Variants in HCRTR2 observed in about 807,000 individuals in gnomAD.
HCRTR2 encodes the protein hypocretin receptor 2.
Under a neutral mutation model 49.0 loss-of-function variants are expected in HCRTR2, and 22 were observed. The observed-to-expected ratio is 0.45, with a 90% CI of 0.32 to 0.64. The LOEUF (loss-of-function observed/expected upper bound fraction) is 0.64, where lower values mean the gene tolerates loss of function less well. Among genes scored for constraint, HCRTR2 ranks in the 30% least tolerant of loss-of-function variants. The pLI is 0.04. For missense variants in HCRTR2, 491 were observed against 559.4 expected, an observed-to-expected ratio of 0.88 and a Z score of 1.23; for synonymous variants, 236 against 205.3, an observed-to-expected ratio of 1.15 and a Z score of -1.28.
chr6:55,145,419 T>TTG lies in HCRTR2; in HGVS notation c.-377-28791_-377-28790insGT, dbSNP rs1203907703. Among the ~76,000 whole-genome samples the TTG allele has an allele frequency of 1.6e-3, 4 of 2,550 alleles. No homozygotes were observed. The Non-Finnish European group carries it at 0.016, about 10-fold the overall frequency. 1.7% of individuals were successfully genotyped at this position (2,550 alleles called of 152,430 possible). The stretch of plus-strand genomic sequence containing the variant: ...TTTTTTTTTTTGTTTTTTTGTTTGT[T>TTG]TTTTTTTTTGAGACGGATTCTTGCT... On this transcript the variant is annotated intron_variant, in intron 1 of 7. Transcript: ENST00000615358.
intron 1 of HCRTR2, among the ~76,000 whole-genome samples, chr6:55,150,403 T>G (rs1764649104): frequency 1.3e-5 from 2 of 151,758 alleles, no homozygotes. Context: ...CAATACACAT[T>G]GTTAACTGTA....
chr6:55,247,678 G>T (rs934279001), intron 1 of HCRTR2, among the ~76,000 whole-genome samples: 2 of 152,046 alleles, frequency 1.3e-5, no homozygotes, highest in Admixed American at 6.6e-5. Flanking sequence ...CAGACCGAAG[G>T]AAGACAGAGA....
chr6:55,115,546 G>A (rs1035121398), intron 1 of HCRTR2, among the ~76,000 whole-genome samples: 3 of 150,992 alleles, frequency 2.0e-5, no homozygotes, highest in Non-Finnish European at 4.4e-5. Flanking sequence ...AGTAGTAGCA[G>A]CAGGTAAAGT....
At chr6:55,179,510 C>T (rs1265982678) in intron 1 of HCRTR2, among the ~76,000 whole-genome samples, 1 of 152,054 alleles carries the variant, frequency 6.6e-6, no homozygotes, top group Non-Finnish European at 1.5e-5. Context: ...GACTTAAAAT[C>T]CCAATGATAA....
chr6:55,191,624 T>G (rs1222759590), intron 1 of HCRTR2, among the ~76,000 whole-genome samples: 3 of 152,042 alleles, frequency 2.0e-5, no homozygotes, highest in African/African-American at 7.2e-5. Flanking sequence ...GGTCACAAAA[T>G]AAACACCAGA....
In HCRTR2 at chr6:55,277,424, G is replaced by C; in HGVS notation, c.807G>C (p.Leu269=). 1 of 1,614,118 alleles carries C rather than the reference G, an allele frequency of 6.2e-7. No individual in the cohort carries two copies. Among genetic ancestry groups the C allele is most frequent in the East Asian group, 2.2e-5 (1 of 44,856 alleles). Residue 269 remains leucine (L), a synonymous_variant, in exon 5 of 7, where the codon CTG becomes CTC. Coordinates refer to ENST00000370862, the MANE Select transcript of HCRTR2 (RefSeq NM_001384272.1). ...SSVVQRKWKP[L]QPVSQPRGPG... Reference sequence around the variant, plus strand: ...TAGTTCAGAGAAAATGGAAGCCCCTGCAGCCTGTTTCACAGCCTCGAGGGC... The same window carrying C: ...TAGTTCAGAGAAAATGGAAGCCCCTCCAGCCTGTTTCACAGCCTCGAGGGC...
At chr6:55,200,591 CCTT>C (rs1341417253) in intron 1 of HCRTR2, among the ~76,000 whole-genome samples, 3 of 152,084 alleles carry the variant, frequency 2.0e-5, no homozygotes, top group Non-Finnish European at 4.4e-5. Context: ...ATCCACTGTT[CCTT>C]CTTCTTCTGC....
chr6:55,246,879 A>G (rs1766455086), intron 1 of HCRTR2, among the ~76,000 whole-genome samples: 1 of 152,070 alleles, frequency 6.6e-6, no homozygotes, highest in Non-Finnish European at 1.5e-5. Flanking sequence ...TTTTGAACAT[A>G]TATTTGCTCT....
chr6:55,189,934 AT>A (rs1437787706), intron 1 of HCRTR2, among the ~76,000 whole-genome samples: 1 of 152,230 alleles, frequency 6.6e-6, no homozygotes, highest in Non-Finnish European at 1.5e-5. Flanking sequence ...TGGAGTTTGA[AT>A]TGCTAGAGGA....
intron 1 of HCRTR2, among the ~76,000 whole-genome samples, chr6:55,118,491 G>A (rs1000042194): frequency 6.6e-6 from 1 of 151,902 alleles, no homozygotes; most frequent in African/African-American, 2.4e-5. Flanking sequence ...CTTCCACAAT[G>A]GCTGAACTAA....
rs182234217 is a variant in HCRTR2 at position 55,229,263 on chromosome 6, A to T, written c.224-19376A>T. ...AAGCTGGCATCAAACTCCAAGACTC[A>T]AGTGATCCTTTCACCTCAGCCTCCT... On this transcript the variant is annotated intron_variant, in intron 1 of 6. Transcript: ENST00000370862. 3.9e-5 allele frequency among the ~76,000 whole-genome samples: 6 copies of T among 152,314 alleles called. No individual in the cohort carries two copies. The East Asian group carries it at 9.6e-4, about 24-fold the overall frequency.
At chr6:55,183,854 G>A (rs1376723762) in intron 1 of HCRTR2, among the ~76,000 whole-genome samples, 1 of 151,862 alleles carries the variant, frequency 6.6e-6, no homozygotes, top group Non-Finnish European at 1.5e-5. Flanking sequence ...GAGAAAGAAA[G>A]AATACATATT....
rs564437726 is a variant in HCRTR2, at chr6:55,203,332, C to T, written c.223+28522C>T. Reference sequence around the variant, plus strand: ...TTATATCTCTCTTATTAATCAATGACATTTAATATTACAACCATAGCTTGG... The same window carrying T: ...TTATATCTCTCTTATTAATCAATGATATTTAATATTACAACCATAGCTTGG... On this transcript the variant is annotated intron_variant, in intron 1 of 6. Transcript: ENST00000370862. 1.1e-4 allele frequency among the ~76,000 whole-genome samples: 17 copies of T among 152,260 alleles called. No homozygotes were observed. The East Asian group carries it at 3.3e-3, about 29-fold the overall frequency.
intron 2 of HCRTR2, among the ~76,000 whole-genome samples, chr6:55,249,488 T>C (rs956740133): frequency 9.9e-5 from 15 of 152,164 alleles, no homozygotes; most frequent in African/African-American, 3.4e-4. Context: ...ATCTACCTCA[T>C]ATGGTTGCTG....
intron 1 of HCRTR2, among the ~76,000 whole-genome samples, chr6:55,120,065 A>G (rs1264070870): frequency 6.6e-6 from 1 of 152,144 alleles, no homozygotes; most frequent in East Asian, 1.9e-4. Flanking sequence ...AGGTTTGTCA[A>G]AGATCAGATG....
intron 1 of HCRTR2, among the ~76,000 whole-genome samples, chr6:55,122,605 C>A (rs1764216767): frequency 6.6e-6 from 1 of 152,010 alleles, no homozygotes; most frequent in South Asian, 2.1e-4. Context: ...GCATTTAGTG[C>A]TGTAAATTTC....
intron 1 of HCRTR2, among the ~76,000 whole-genome samples, chr6:55,129,921 C>T (rs377502440): frequency 2.3e-4 from 35 of 152,046 alleles, no homozygotes; most frequent in African/African-American, 7.2e-4. Flanking sequence ...CTTCTATTTC[C>T]GCTGCTTTTC....
chr6:55,196,051 T>C (rs532715191), intron 1 of HCRTR2, among the ~76,000 whole-genome samples: 52 of 152,304 alleles, frequency 3.4e-4, no homozygotes, highest in Admixed American at 3.0e-3. Flanking sequence ...TAAAATAAAA[T>C]AAAATATCAG....
At chr6:55,233,209 A>G (rs1766149422) in intron 1 of HCRTR2, among the ~76,000 whole-genome samples, 1 of 151,596 alleles carries the variant, frequency 6.6e-6, no homozygotes. Context: ...CTGCCTCGGC[A>G]TCCCGAGTAG....
Sources: gnomAD v4.1 joint callset for allele counts (sites outside exome capture counted in the v4.1 genomes callset) on GRCh38, gnomAD v4.1.1 for gene constraint, MANE v1.5 for transcripts, NCBI Gene and HGNC (gene_info 2026-07-23, HGNC 2026-07-21) for gene names.